The following SLC2A14 variants were observed in gnomAD, a reference collection of about 807,000 sequenced individuals.
SLC2A14 encodes solute carrier family 2 member 14.
In SLC2A14, 13 loss-of-function variants were observed where a neutral mutation model predicts 43.0. The observed-to-expected ratio is 0.30, with a 90% CI of 0.20 to 0.48. SLC2A14 has a LOEUF of 0.48. SLC2A14 is among the 20% of genes least tolerant of loss of function. The pLI is 0.99. For missense variants in SLC2A14, 428 were observed against 620.4 expected (o/e 0.69, Z 3.29); for synonymous variants, 190 against 233.8 (o/e 0.81, Z 1.71).
intron 2 of SLC2A14, among the ~76,000 whole-genome samples, chr12:7,836,626 GA>G (rs1270955151): frequency 3.3e-5 from 5 of 151,324 alleles, no homozygotes; most frequent in African/African-American, 1.2e-4. Flanking sequence ...TTCAGTTCAG[GA>G]ATTCAATACC....
intron 9 of SLC2A14, 46 bp from the exon 10 acceptor site, chr12:7,818,080 A>AC: frequency 6.4e-7 from 1 of 1,565,902 alleles, no homozygotes; most frequent in Non-Finnish European, 8.7e-7. Context: ...AGACAGTGTA[A>AC]CCCAGGATCT....
chr12:7,828,819 C>G lies in SLC2A14; in HGVS notation c.561G>C (p.Val187=), dbSNP rs753626848. Residue 187 remains valine, a synonymous_variant, in exon 6 of 11, where the codon GTG becomes GTC. Coordinates refer to ENST00000431042, the MANE Select transcript of SLC2A14 (RefSeq NM_001286234.2). The stretch of plus-strand genomic sequence containing the variant: ...CTGGAAGGATGGTAAAGCCTAATAG[C>G]ACCGGCCATAGCTCTTCAGACCCAA... The part of the protein sequence containing the change: ...LILGSEELWP[V]LLGFTILPAI... 6.2e-7 allele frequency: 1 copy of G among 1,614,156 alleles called. No individual in the cohort carries two copies. Among genetic ancestry groups the G allele is most frequent in the Non-Finnish European group, 8.5e-7 (1 of 1,180,028 alleles).
chr12:7,877,432 CT>C (rs888227348), upstream of SLC2A14, among the ~76,000 whole-genome samples: 5 of 148,464 alleles, frequency 3.4e-5, no homozygotes, highest in African/African-American at 7.4e-5. Context: ...AAAATTTTTT[CT>C]TTTTTTTTTG....
intron 2 of SLC2A14, chr12:7,856,505 T>G (rs1469135963): frequency 6.6e-6 from 1 of 152,160 alleles, no homozygotes; most frequent in Non-Finnish European, 1.5e-5. Flanking sequence ...CATTTTTCTT[T>G]TCTACTTTTC....
chr12:7,883,662 C>G (rs1406200837), intron 1 of SLC2A14, among the ~76,000 whole-genome samples: 1 of 135,432 alleles, frequency 7.4e-6, no homozygotes, highest in Non-Finnish European at 1.6e-5. Context: ...TCTCGGCTCA[C>G]AGCCTCTGCT....
chr12:7,829,626 T>C, intron 5 of SLC2A14, 140 bp downstream of exon 5: 2 of 1,263,774 alleles, frequency 1.6e-6, no homozygotes, highest in Non-Finnish European at 2.2e-6. Flanking sequence ...CTCAACCTGC[T>C]TCTTCAGCTA....
chr12:7,863,911 G>T (rs905154411), intron 2 of SLC2A14, among the ~76,000 whole-genome samples: 2 of 151,256 alleles, frequency 1.3e-5, no homozygotes, highest in African/African-American at 2.4e-5. Context: ...CACCACCCGG[G>T]TTCAAGCGAT....
At chr12:7,862,525 C>T (rs1174232402) in intron 2 of SLC2A14, among the ~76,000 whole-genome samples, 6 of 152,088 alleles carry the variant, frequency 3.9e-5, no homozygotes, top group African/African-American at 1.4e-4. Context: ...GCCCCCTGCT[C>T]CACGGCGCCC....
intron 1 of SLC2A14, chr12:7,871,329 A>T (rs1279079847): frequency 9.3e-6 from 9 of 963,120 alleles, no homozygotes; most frequent in Non-Finnish European, 1.2e-5. Flanking sequence ...AACTAGGTGG[A>T]GTTCACCTGC....
intron 1 of SLC2A14, among the ~76,000 whole-genome samples, chr12:7,883,729 G>A (rs1389473591): frequency 6.7e-6 from 1 of 148,198 alleles, no homozygotes; most frequent in African/African-American, 2.5e-5. Flanking sequence ...GATTACAGGC[G>A]CCCACCACCA....
Position 7,814,551 on chromosome 12 carries a change from A to G in SLC2A14, c.1276-17T>C. On this transcript the variant is annotated splice_polypyrimidine_tract_variant and intron_variant, in intron 10 of 10. Coordinates refer to ENST00000431042, the MANE Select transcript of SLC2A14 (RefSeq NM_001286234.2). ...TAAATAGTACTAGTGAAAGGACAGA[A>G]AAAAGGAAGGTTGATATAAAAATCT... The G allele has an allele frequency of 2.5e-6, 4 of 1,602,080 alleles. No homozygotes were observed. The highest frequency in any genetic ancestry group is 3.4e-6 in the Non-Finnish European group (4 of 1,175,686).
rs1945767991 is a variant in SLC2A14, at chr12:7,891,006, A to G, written c.122T>C (p.Val41Ala). Residue 41 changes from valine (V) to alanine (A), a missense_variant, in exon 1 of 10, where the codon GTC (valine) becomes GCC (alanine). Val to Ala is a moderately conservative substitution (Grantham distance 64, BLOSUM62 0). Coordinates refer to the SLC2A14 transcript ENST00000539924. ...TCTAGTTCCACTTACCTCCTCCCCG[A>G]CGCCCCCATTCTGACTCTTCTCCAG... The G allele has an allele frequency of 3.9e-6, 6 of 1,534,530 alleles. No individual in the cohort carries two copies. The South Asian group carries it at 7.1e-5, about 18-fold the overall frequency.
intron 2 of SLC2A14, among the ~76,000 whole-genome samples, chr12:7,837,895 C>A (rs1171857208): frequency 1.3e-5 from 2 of 151,916 alleles, no homozygotes; most frequent in Non-Finnish European, 2.9e-5. Context: ...ATAGCTGGGA[C>A]TACAGGTGCA....
chr12:7,837,166 CAA>C (rs753545614), intron 2 of SLC2A14, among the ~76,000 whole-genome samples: 7 of 119,748 alleles, frequency 5.8e-5, no homozygotes, highest in Admixed American at 8.6e-5. Flanking sequence ...GACTCCATCT[CAA>C]AAAAAAAAAA....
chr12:7,852,304 A>C (rs1273652321), intron 2 of SLC2A14, among the ~76,000 whole-genome samples: 1 of 152,160 alleles, frequency 6.6e-6, no homozygotes, highest in Non-Finnish European at 1.5e-5. Flanking sequence ...GGCACTGTTA[A>C]TATTAAAAAA....
intron 2 of SLC2A14, among the ~76,000 whole-genome samples, chr12:7,847,556 TG>T (rs1454120330): frequency 1.3e-5 from 2 of 152,148 alleles, no homozygotes; most frequent in African/African-American, 4.8e-5. Flanking sequence ...TCCCAATTTG[TG>T]TTTTCTTAGG....
At chr12:7,872,078 T>C (rs986126381) in intron 1 of SLC2A14, 1 of 222,182 alleles carries the variant, frequency 4.5e-6, no homozygotes, top group African/African-American at 2.3e-5. Context: ...GTCTGTGTAT[T>C]AAACTGGGAC....
Position 7,813,836 on chromosome 12 carries a change from T to C in SLC2A14, c.*480A>G, listed in dbSNP as rs1320636523. On this transcript the variant is annotated 3_prime_UTR_variant, in exon 11 of 11. Transcript: ENST00000431042. Reference sequence around the variant, plus strand: ...ATATTTATGTAATTAAACCAGAGGATAAGATAAATAAAACTCAAGTTAATT... The same window carrying C: ...ATATTTATGTAATTAAACCAGAGGACAAGATAAATAAAACTCAAGTTAATT... 1 of 161,262 alleles carries C rather than the reference T, an allele frequency of 6.2e-6. No individual in the cohort carries two copies. The highest frequency in any genetic ancestry group is 1.4e-5 in the Non-Finnish European group (1 of 72,498). 10.0% of individuals were successfully genotyped at this position (161,262 alleles called of 1,614,324 possible). A position where few individuals can be genotyped will look rare whatever the true frequency, so the allele number is the denominator to read the frequency against.
chr12:7,834,721 GA>G (rs139733135), intron 2 of SLC2A14, among the ~76,000 whole-genome samples: 1 of 150,332 alleles, frequency 6.7e-6, no homozygotes, highest in Non-Finnish European at 1.5e-5. Context: ...CCTCAAAAAA[GA>G]AAAAAAAAGT....
Sources: gnomAD v4.1 joint callset for allele counts (sites outside exome capture counted in the v4.1 genomes callset) on GRCh38, gnomAD v4.1.1 for gene constraint, MANE v1.5 for transcripts, NCBI Gene and HGNC (gene_info 2026-07-23, HGNC 2026-07-21) for gene names.